ADGRG5: variants seen among roughly 807,000 people sequenced by gnomAD.
The protein encoded by ADGRG5 is G protein-coupled receptor 114.
In ADGRG5, 37 loss-of-function variants were observed where a neutral mutation model predicts 53.2. The ratio of observed to expected loss-of-function variants is 0.70; its 90% CI spans 0.53 to 0.91. The LOEUF is 0.91. ADGRG5 is among the 40% of genes least tolerant of loss of function. ADGRG5 has a pLI of 0.00. For synonymous variants in ADGRG5, 277 were observed against 290.4 expected (o/e 0.95, Z 0.47); for missense variants, 614 against 675.8 (o/e 0.91, Z 1.01).
At position 57,542,676 on chromosome 16, in the gene ADGRG5, C is replaced by T. The variant is rs571273826; in HGVS notation, c.-64C>T. ...TACAAGACAGCAGCCGAGACAGCAG[C>T]TGAGACGGCAGCGGCAGCTTCTCAG... On this transcript the variant is annotated 5_prime_UTR_variant, in exon 1 of 12. Transcript: ENST00000349457. 5.8e-4 allele frequency: 88 copies of T among 152,320 alleles called. No individual in the cohort carries two copies. The highest frequency in any genetic ancestry group is 1.1e-3 in the Non-Finnish European group (77 of 68,150). The allele number at this position is 152,320 out of a possible 1,614,324, so 9.4% of individuals were successfully genotyped here.
intron 10 of ADGRG5, among the ~76,000 whole-genome samples, chr16:57,572,755 G>C (rs1348980896): frequency 6.6e-6 from 1 of 152,260 alleles, no homozygotes; most frequent in Admixed American, 6.5e-5. Context: ...CGGGATGCTG[G>C]ATGAATGGAC....
intron 10 of ADGRG5, among the ~76,000 whole-genome samples, chr16:57,572,943 G>C (rs2033402124): frequency 6.6e-6 from 1 of 152,162 alleles, no homozygotes. Context: ...CTCAGGCTCT[G>C]GGCCTGGGGC....
At chr16:57,540,420 T>C (rs1473790294), upstream of ADGRG5, among the ~76,000 whole-genome samples, 1 of 152,166 alleles carries the variant, frequency 6.6e-6, no homozygotes, top group Non-Finnish European at 1.5e-5. Flanking sequence ...CTCACCAGGG[T>C]AAGTAGCCCC....
At chr16:57,556,280 A>G (rs960477051) in intron 1 of ADGRG5, among the ~76,000 whole-genome samples, 2 of 152,068 alleles carry the variant, frequency 1.3e-5, no homozygotes, top group Admixed American at 1.3e-4. Flanking sequence ...TTGCCTTTTA[A>G]TTGGAGCATT....
intron 4 of ADGRG5, among the ~76,000 whole-genome samples, chr16:57,563,508 G>T (rs1475625821): frequency 6.6e-6 from 1 of 152,254 alleles, no homozygotes; most frequent in Non-Finnish European, 1.5e-5. Flanking sequence ...GCCCGCTGCG[G>T]GAGGCGCTGT....
At chr16:57,570,679 G>A in intron 10 of ADGRG5, 144 bp downstream of exon 10, 3 of 629,960 alleles carry the variant, frequency 4.8e-6, no homozygotes, top group Non-Finnish European at 5.7e-6. Flanking sequence ...GGAGTTTGCA[G>A]GGGGCTCCAC....
intron 1 of ADGRG5, among the ~76,000 whole-genome samples, chr16:57,552,915 C>T (rs1407398187): frequency 2.0e-5 from 3 of 151,968 alleles, no homozygotes; most frequent in Admixed American, 6.5e-5. Flanking sequence ...GTTCTGATTT[C>T]GATATTGTTG....
At chr16:57,543,754 C>G (rs1416840195) in intron 1 of ADGRG5, among the ~76,000 whole-genome samples, 2 of 152,080 alleles carry the variant, frequency 1.3e-5, no homozygotes, top group African/African-American at 4.8e-5. Context: ...GCATGGTCAG[C>G]TGTAGGGAGG....
At position 57,567,913 on chromosome 16, in the gene ADGRG5, C is replaced by A; in HGVS notation, c.879C>A (p.Leu293=). ...TGAACCTGCATGCCTCCGTGCTGCTCCTGAACATCGCCTTCCTGCTGAGCC... is the reference window on the plus strand; with the variant it reads ...TGAACCTGCATGCCTCCGTGCTGCTACTGAACATCGCCTTCCTGCTGAGCC... The part of the protein sequence containing the change: ...IHMNLHASVL[L]LNIAFLLSPA... The change falls in exon 9 of 12, where the codon CTC becomes CTA. Residue 293 remains leucine (L), a synonymous_variant. Transcript: ENST00000349457. The A allele has an allele frequency of 6.2e-7, 1 of 1,613,624 alleles. No homozygotes were observed. Among genetic ancestry groups the A allele is most frequent in the Non-Finnish European group, 8.5e-7 (1 of 1,179,922 alleles).
the ADGRG5 span, among the ~76,000 whole-genome samples, chr16:57,533,214 G>C: frequency 6.6e-6 from 1 of 152,128 alleles, no homozygotes; most frequent in Non-Finnish European, 1.5e-5. Context: ...GCAGGAGCAC[G>C]GAAGTTTTGG....
chr16:57,559,710 C>T (rs1418819629), intron 1 of ADGRG5, among the ~76,000 whole-genome samples: 1 of 151,770 alleles, frequency 6.6e-6, no homozygotes, highest in Non-Finnish European at 1.5e-5. Flanking sequence ...AACCAGTTTG[C>T]TTGGTGGCCT....
chr16:57,560,284 C>G (rs1270755199), intron 1 of ADGRG5, among the ~76,000 whole-genome samples: 7 of 152,170 alleles, frequency 4.6e-5, no homozygotes, highest in Non-Finnish European at 1.0e-4. Context: ...GATATACTTT[C>G]TCATTTTGTT....
the ADGRG5 span, among the ~76,000 whole-genome samples, chr16:57,530,791 A>C: frequency 6.6e-6 from 1 of 150,438 alleles, no homozygotes; most frequent in African/African-American, 2.5e-5. Context: ...CTCCCCTGGC[A>C]CCTCCCTTTT....
intron 11 of ADGRG5, 110 bp downstream of exon 11, chr16:57,575,202 TC>T: frequency 8.0e-7 from 1 of 1,257,550 alleles, no homozygotes; most frequent in Non-Finnish European, 1.1e-6. Flanking sequence ...GGGACTAACA[TC>T]CAGCCCACAG....
At chr16:57,544,760 C>A (rs1266450977) in intron 1 of ADGRG5, among the ~76,000 whole-genome samples, 2 of 152,108 alleles carry the variant, frequency 1.3e-5, no homozygotes, top group African/African-American at 2.4e-5. Flanking sequence ...TTTGCCTCCC[C>A]AAACCTTTCT....
chr16:57,550,537 C>T (rs756736640), intron 1 of ADGRG5, among the ~76,000 whole-genome samples: 1 of 151,994 alleles, frequency 6.6e-6, no homozygotes, highest in Non-Finnish European at 1.5e-5. Context: ...TTGTTGTTGC[C>T]ATGGATCACG....
At chr16:57,564,312 A>G (rs540426125) in intron 5 of ADGRG5, among the ~76,000 whole-genome samples, 7 of 139,756 alleles carry the variant, frequency 5.0e-5, no homozygotes, top group Non-Finnish European at 3.1e-5. Context: ...GACCTTACAG[A>G]TTTTTTTTTT....
At chr16:57,539,470 T>TTTTTTG (rs1598086916), upstream of ADGRG5, among the ~76,000 whole-genome samples, 1 of 150,824 alleles carries the variant, frequency 6.6e-6, no homozygotes, top group South Asian at 2.1e-4. Context: ...TTTTTTTTTT[T>TTTTTTG]GAGACAGGGT....
chr16:57,555,136 G>A (rs1303406512), intron 1 of ADGRG5, among the ~76,000 whole-genome samples: 1 of 152,142 alleles, frequency 6.6e-6, no homozygotes, highest in Non-Finnish European at 1.5e-5. Flanking sequence ...AAAAGAATAT[G>A]TATTTTGCGT....
Sources: allele counts gnomAD v4.1 joint callset (sites outside exome capture counted in the v4.1 genomes callset), GRCh38; gene constraint gnomAD v4.1.1; transcripts MANE v1.5; gene names NCBI Gene and HGNC (gene_info 2026-07-23, HGNC 2026-07-21).